The following GRM7 variants were observed in gnomAD, a reference collection of about 807,000 sequenced individuals.
The protein encoded by GRM7 is glutamate metabotropic receptor 7.
Under a neutral mutation model 84.5 loss-of-function variants are expected in GRM7, and 35 were observed. That is an observed-to-expected ratio of 0.41 (90% confidence interval 0.32 to 0.55). The LOEUF (loss-of-function observed/expected upper bound fraction) is 0.55, where lower values mean the gene tolerates loss of function less well. GRM7 is among the 20% of genes least tolerant of loss of function. GRM7 has a pLI of 0.19. For synonymous variants in GRM7, 487 were observed against 455.1 expected, an observed-to-expected ratio of 1.07 and a Z score of -0.89; for missense variants, 1,003 against 1,194.6, an observed-to-expected ratio of 0.84 and a Z score of 2.36.
chr3:7,465,722 A>C (rs1347276031), intron 7 of GRM7, among the ~76,000 whole-genome samples: 1 of 151,888 alleles, frequency 6.6e-6, no homozygotes, highest in East Asian at 1.9e-4. Flanking sequence ...TCTCAGTTAC[A>C]TCATCTCAAG....
intron 1 of GRM7, among the ~76,000 whole-genome samples, chr3:7,054,363 GAT>G (rs1040178182): frequency 6.7e-6 from 1 of 148,846 alleles, no homozygotes; most frequent in Non-Finnish European, 1.5e-5. Flanking sequence ...ATATATGTAT[GAT>G]ATATATGATA....
At chr3:7,566,222 C>T (rs1694262398) in intron 7 of GRM7, among the ~76,000 whole-genome samples, 2 of 148,816 alleles carry the variant, frequency 1.3e-5, no homozygotes, top group African/African-American at 5.0e-5. Flanking sequence ...TAAAAGCAGC[C>T]ATAAATAATA....
chr3:6,952,109 C>T (rs1169153004), intron 1 of GRM7, among the ~76,000 whole-genome samples: 1 of 151,968 alleles, frequency 6.6e-6, no homozygotes, highest in Non-Finnish European at 1.5e-5. Context: ...TATTCTTGAG[C>T]TTTATTTGAG....
intron 1 of GRM7, among the ~76,000 whole-genome samples, chr3:6,993,851 G>C (rs1254814210): frequency 6.6e-6 from 1 of 152,178 alleles, no homozygotes; most frequent in African/African-American, 2.4e-5. Flanking sequence ...ACAGAAGGAA[G>C]TCAGCAGAAA....
At chr3:7,111,295 G>A (rs1033033004) in intron 1 of GRM7, among the ~76,000 whole-genome samples, 1 of 152,046 alleles carries the variant, frequency 6.6e-6, no homozygotes, top group African/African-American at 2.4e-5. Context: ...GGATATACAT[G>A]GTGAAAAAAT....
At chr3:7,471,643 C>T (rs1698706511) in intron 7 of GRM7, among the ~76,000 whole-genome samples, 1 of 152,144 alleles carries the variant, frequency 6.6e-6, no homozygotes, top group South Asian at 2.1e-4. Context: ...TTGGGTCCAC[C>T]TAGATAATTC....
intron 5 of GRM7, among the ~76,000 whole-genome samples, chr3:7,433,841 C>T (rs770240034): frequency 1.3e-5 from 2 of 152,164 alleles, no homozygotes; most frequent in Non-Finnish European, 2.9e-5. Flanking sequence ...CATCCTGTCT[C>T]ATCTGTGAAT....
intron 7 of GRM7, among the ~76,000 whole-genome samples, chr3:7,565,866 T>G (rs148180337): frequency 1.1e-3 from 165 of 152,336 alleles, no homozygotes; most frequent in Non-Finnish European, 1.9e-3. Context: ...TTATCTGTTT[T>G]GCTCCTGGCA....
intron 2 of GRM7, among the ~76,000 whole-genome samples, chr3:7,265,894 C>T (rs1310098553): frequency 1.3e-5 from 2 of 152,136 alleles, no homozygotes; most frequent in Non-Finnish European, 2.9e-5. Context: ...CTTAATCCTC[C>T]TAAGTGTCCT....
intron 1 of GRM7, among the ~76,000 whole-genome samples, chr3:6,916,207 A>G (rs542903931): frequency 6.6e-6 from 1 of 152,344 alleles, no homozygotes; most frequent in Non-Finnish European, 1.5e-5. Context: ...TCATGTAGTC[A>G]TGAATCTTCT....
chr3:7,116,551 G>A (rs1292533614), intron 1 of GRM7, among the ~76,000 whole-genome samples: 1 of 151,992 alleles, frequency 6.6e-6, no homozygotes, highest in African/African-American at 2.4e-5. Context: ...AAAGTGTACT[G>A]TTATTATATT....
At chr3:7,210,276 C>A (rs539241586) in intron 2 of GRM7, among the ~76,000 whole-genome samples, 1 of 152,182 alleles carries the variant, frequency 6.6e-6, no homozygotes, top group Non-Finnish European at 1.5e-5. Flanking sequence ...TTACTCAGTT[C>A]CCATCTATTA....
At chr3:7,177,540 G>T (rs1323659904) in intron 2 of GRM7, among the ~76,000 whole-genome samples, 2 of 139,548 alleles carry the variant, frequency 1.4e-5, no homozygotes, top group Non-Finnish European at 3.0e-5. Context: ...GAGGGAGGAA[G>T]GGAGGGAGGG....
intron 6 of GRM7, among the ~76,000 whole-genome samples, chr3:7,458,508 A>G (rs1250080644): frequency 6.6e-6 from 1 of 152,346 alleles, no homozygotes; most frequent in African/African-American, 2.4e-5. Flanking sequence ...AAAAGGCCAA[A>G]CCCACACAAT....
chr3:7,088,455 A>T (rs915075101), intron 1 of GRM7, among the ~76,000 whole-genome samples: 1 of 151,760 alleles, frequency 6.6e-6, no homozygotes, highest in Non-Finnish European at 1.5e-5. Context: ...AAAATAGTGT[A>T]TTGACTCTAG....
rs1255907890 is a variant in GRM7 at position 7,486,279 on chromosome 3, T to C, written c.1515+24557T>C. 6.6e-6 allele frequency among the ~76,000 whole-genome samples: 1 copy of C among 152,184 alleles called. No individual in the cohort carries two copies. The highest frequency in any genetic ancestry group is 1.5e-5 in the Non-Finnish European group (1 of 68,028). On this transcript the variant is annotated intron_variant, in intron 7 of 9. Transcript: ENST00000357716. This position sits in a 1 kb window ranked among gnomAD's most constrained non-coding sequence, Gnocchi z 5.5. ...GTTTTTGCTTCCCAAGAAATGATGG[T>C]AATGATAATGGCGATGATGGTGATA...
chr3:7,050,694 A>C (rs1449359226), intron 1 of GRM7, among the ~76,000 whole-genome samples: 1 of 151,964 alleles, frequency 6.6e-6, no homozygotes, highest in Non-Finnish European at 1.5e-5. Context: ...GTTTATTCCA[A>C]TTGACAATAC....
chr3:6,902,533 C>A (rs891557925), intron 1 of GRM7, among the ~76,000 whole-genome samples: 1 of 151,944 alleles, frequency 6.6e-6, no homozygotes, highest in African/African-American at 2.4e-5. Context: ...GTCAACTTGC[C>A]CCAGACACCT....
intron 7 of GRM7, among the ~76,000 whole-genome samples, chr3:7,474,454 A>ATC (rs1698837052): frequency 6.6e-6 from 1 of 152,014 alleles, no homozygotes; most frequent in African/African-American, 2.4e-5. Context: ...AAAAAAAAAA[A>ATC]AATTGACAAT....
Sources: gnomAD v4.1 joint callset for allele counts (sites outside exome capture counted in the v4.1 genomes callset) on GRCh38, gnomAD v4.1.1 for gene constraint, Gnocchi (gnomAD v3.1) non-coding constraint, MANE v1.5 for transcripts, NCBI Gene and HGNC (gene_info 2026-07-23, HGNC 2026-07-21) for gene names.